DDX21: variants seen among roughly 807,000 people sequenced by gnomAD.
DDX21 encodes nucleolar RNA helicase 2.
DDX21 carries 18 observed loss-of-function variants against 90.0 expected under a neutral mutation model. That is an observed-to-expected ratio of 0.20 (90% CI 0.14 to 0.30). DDX21 has a LOEUF of 0.30. Ranked by LOEUF, DDX21 falls within the 10% of genes least tolerant of loss-of-function variation. DDX21 has a pLI of 1.00. For synonymous variants in DDX21, 294 were observed against 318.0 expected (o/e 0.92, Z 0.80); for missense variants, 673 against 944.5 (o/e 0.71, Z 3.77).
intron 6 of DDX21, among the ~76,000 whole-genome samples, chr10:68,968,677 A>G (rs1413105394): frequency 3.9e-5 from 6 of 152,254 alleles, no homozygotes. Flanking sequence ...TTCATAAAAT[A>G]TTGAGAATAG....
chr10:68,973,680 C>A lies in DDX21; in HGVS notation c.1668+16C>A. ...GCAAAAAGCGGTAAAACTATTCTTA[C>A]CTTTCATTAAGCAAATGTTGAGTTC... On this transcript the variant is annotated intron_variant, in intron 10 of 14. Coordinates refer to ENST00000354185, the MANE Select transcript of DDX21 (RefSeq NM_004728.4). 2 of 1,606,758 alleles carry A rather than the reference C, an allele frequency of 1.2e-6. No individual in the cohort carries two copies. The highest frequency in any genetic ancestry group is 1.7e-6 in the Non-Finnish European group (2 of 1,176,282).
Position 68,956,180 on chromosome 10 carries a change from C to G in DDX21, c.-46C>G. The G allele has an allele frequency of 1.9e-6, 3 of 1,601,190 alleles. No homozygotes were observed. The highest frequency in any genetic ancestry group is 2.6e-6 in the Non-Finnish European group (3 of 1,170,800). On this transcript the variant is annotated 5_prime_UTR_variant, in exon 1 of 15. Transcript: ENST00000354185. Reference sequence around the variant, plus strand: ...AGGGTGGGGAACTACCTCTTCCTCTCCACGCGGTTGAGAAGACCGGTCGGC... The same window carrying G: ...AGGGTGGGGAACTACCTCTTCCTCTGCACGCGGTTGAGAAGACCGGTCGGC...
At chr10:68,972,386 A>G (rs1158075635) in intron 9 of DDX21, among the ~76,000 whole-genome samples, 1 of 152,156 alleles carries the variant, frequency 6.6e-6, no homozygotes, top group Admixed American at 6.5e-5. Context: ...AGGGGAGAGA[A>G]AGGGCCTGTA....
In DDX21 at chr10:68,981,563, A is replaced by G. The variant is rs756594078; in HGVS notation, c.2064A>G (p.Ala688=). 1.6e-5 allele frequency: 26 copies of G among 1,612,928 alleles called. No individual in the cohort carries two copies. The highest frequency in any genetic ancestry group is 2.1e-5 in the Non-Finnish European group (25 of 1,179,626). ...GTGTTTGCTTTGATGTACCTACCGCATCAGTAACAGAAATACAGGTATTCT... is the reference window on the plus strand; with the variant it reads ...GTGTTTGCTTTGATGTACCTACCGCGTCAGTAACAGAAATACAGGTATTCT... The part of the protein sequence containing the change: ...KLGVCFDVPT[A]SVTEIQEKWH... Residue 688 remains alanine (A), a synonymous_variant, in exon 14 of 15, where the codon GCA becomes GCG. Coordinates refer to ENST00000354185, the MANE Select transcript of DDX21 (RefSeq NM_004728.4).
rs994055178 is a variant in DDX21, at chr10:68,983,700, A to T, written c.*888A>T. ...GATTAGCATTGCTCAAGAGTATGTA[A>T]AAAAAAAAAAAAAAAAAAAGAACCA... is the stretch of plus-strand genomic sequence containing the variant. On this transcript the variant is annotated 3_prime_UTR_variant, in exon 15 of 15. Coordinates refer to ENST00000354185, the MANE Select transcript of DDX21 (RefSeq NM_004728.4). 455 of 24,460 alleles carry T rather than the reference A, an allele frequency of 0.019. 2 individuals are homozygous for T. The highest frequency in any genetic ancestry group is 0.033 in the Non-Finnish European group (375 of 11,234). The allele number at this position is 24,460 out of a possible 1,614,324, so 1.5% of individuals were successfully genotyped here.
chr10:68,962,583 G>A lies in DDX21; in HGVS notation c.607+426G>A, dbSNP rs140563820. Among the ~76,000 whole-genome samples the A allele has an allele frequency of 1.2e-4, 19 of 152,152 alleles. 1 individual carries two copies. In the East Asian group the frequency reaches 2.5e-3, roughly 20 times the overall value. On this transcript the variant is annotated intron_variant, in intron 3 of 14. Coordinates refer to ENST00000354185, the MANE Select transcript of DDX21 (RefSeq NM_004728.4). ...GTGAACTGTGGTCACACCACTGCAC[G>A]CCAGCCTGGGTGACAGAATGAAACC... is the stretch of plus-strand genomic sequence containing the variant.
At chr10:68,966,993 C>T in intron 5 of DDX21, 25 bp from the exon 6 acceptor site, 1 of 1,597,150 alleles carries the variant, frequency 6.3e-7, no homozygotes, top group Non-Finnish European at 8.6e-7. Flanking sequence ...AAAAACCCAG[C>T]AAATCTTGTC....
rs1379317189 is a variant in DDX21 at position 68,985,009 on chromosome 10, A to G, written c.*2197A>G. The stretch of plus-strand genomic sequence containing the variant: ...ACAGTTGTGCATAAATGTTTTTACT[A>G]TAAAATGAGCTAATGTATAAAATAC... On this transcript the variant is annotated 3_prime_UTR_variant, in exon 15 of 15. Transcript: ENST00000354185. 1 of 152,208 alleles carries G rather than the reference A, an allele frequency of 6.6e-6. No individual in the cohort carries two copies. Among genetic ancestry groups the G allele is most frequent in the Non-Finnish European group, 1.5e-5 (1 of 68,026 alleles). The allele number at this position is 152,208 out of a possible 1,614,324, so 9.4% of individuals were successfully genotyped here.
intron 11 of DDX21, among the ~76,000 whole-genome samples, chr10:68,976,564 G>C (rs897171779): frequency 1.2e-4 from 18 of 152,354 alleles, no homozygotes; most frequent in Non-Finnish European, 1.5e-4. Flanking sequence ...TGGGATTATA[G>C]GCGTGAGCCA....
intron 11 of DDX21, among the ~76,000 whole-genome samples, chr10:68,976,092 T>C (rs1049681629): frequency 1.0e-4 from 15 of 150,270 alleles, no homozygotes; most frequent in African/African-American, 2.7e-4. Flanking sequence ...TTAGATGTGG[T>C]AGCAAGTGCC....
chr10:68,968,710 T>C (rs1366657382), intron 6 of DDX21, among the ~76,000 whole-genome samples: 2 of 152,260 alleles, frequency 1.3e-5, no homozygotes, highest in African/African-American at 4.8e-5. Flanking sequence ...AGATTTCGTT[T>C]GTAATTCAAA....
At position 68,977,793 on chromosome 10, in the gene DDX21, TTAG is replaced by T. The variant is rs1843124989; in HGVS notation, c.1902+108_1902+110del. On this transcript the variant is annotated intron_variant, in intron 12 of 14. Transcript: ENST00000354185. ...CAGTTGTTTTCATTTTCTCATGAAG[TTAG>T]TAAAGTATTAATTGTATTTTACAAT... 9 of 1,245,264 alleles carry T rather than the reference TTAG, an allele frequency of 7.2e-6. No individual in the cohort carries two copies. In the Admixed American group the frequency reaches 2.1e-4, roughly 29 times the overall value. The allele number at this position is 1,245,264 out of a possible 1,614,324, so 77.1% of individuals were successfully genotyped here. A position where few individuals can be genotyped will look rare whatever the true frequency, so the allele number is the denominator to read the frequency against.
At chr10:68,974,987 C>T (rs145500381) in intron 11 of DDX21, among the ~76,000 whole-genome samples, 1 of 151,296 alleles carries the variant, frequency 6.6e-6, no homozygotes, top group Non-Finnish European at 1.5e-5. Context: ...AACTGATAAC[C>T]TGTTTATCAA....
intron 1 of DDX21, among the ~76,000 whole-genome samples, chr10:68,957,961 A>G (rs1842821674): frequency 6.6e-6 from 1 of 152,128 alleles, no homozygotes; most frequent in South Asian, 2.1e-4. Context: ...TTCAAATAGG[A>G]GCCACAGTCA....
Position 68,968,961 on chromosome 10 carries a change from TCCCCC to T in DDX21, c.1091-14_1091-10del. 6 of 1,611,054 alleles carry T rather than the reference TCCCCC, an allele frequency of 3.7e-6. No homozygotes were observed. The Admixed American group carries it at 5.1e-5, about 14-fold the overall frequency. On this transcript the variant is annotated splice_polypyrimidine_tract_variant and intron_variant, in intron 6 of 14. Transcript: ENST00000354185. ...GGATTATTCATACTGACTTTTTTTT[TCCCCC>T]TCCTCAAAGATTCTGAAGACAATCC...
chr10:68,968,961 T>A lies in DDX21; in HGVS notation c.1091-15T>A. The A allele has an allele frequency of 1.2e-6, 2 of 1,611,078 alleles. No individual in the cohort carries two copies. The highest frequency in any genetic ancestry group is 1.7e-6 in the Non-Finnish European group (2 of 1,178,786). Reference sequence around the variant, plus strand: ...GGATTATTCATACTGACTTTTTTTTTCCCCCTCCTCAAAGATTCTGAAGAC... The same window carrying A: ...GGATTATTCATACTGACTTTTTTTTACCCCCTCCTCAAAGATTCTGAAGAC... On this transcript the variant is annotated splice_polypyrimidine_tract_variant and intron_variant, in intron 6 of 14. Transcript: ENST00000354185.
chr10:68,969,161 A>T, intron 7 of DDX21, 40 bp downstream of exon 7: 12 of 1,567,764 alleles, frequency 7.7e-6, no homozygotes, highest in Non-Finnish European at 1.0e-5. Flanking sequence ...AAAATTGTAT[A>T]TATTTTTTTC....
intron 14 of DDX21, among the ~76,000 whole-genome samples, chr10:68,981,935 G>A (rs1970494): frequency 0.058 from 8,781 of 152,126 alleles, 304 homozygotes; most frequent in Middle Eastern, 0.11. Flanking sequence ...GTGCAGTGGT[G>A]CAATCTCGGT....
chr10:68,966,980 A>C lies in DDX21; in HGVS notation c.905-38A>C, dbSNP rs1015807397. On this transcript the variant is annotated intron_variant, in intron 5 of 14. Coordinates refer to ENST00000354185, the MANE Select transcript of DDX21 (RefSeq NM_004728.4). ...GTACCCCACACAGATAAAAGTACTT[A>C]CTAAAAACCCAGCAAATCTTGTCAT... is the stretch of plus-strand genomic sequence containing the variant. 2.5e-6 allele frequency: 4 copies of C among 1,585,794 alleles called. No homozygotes were observed. The South Asian group carries it at 4.6e-5, about 18-fold the overall frequency.
Sources: gnomAD v4.1 joint callset for allele counts (sites outside exome capture counted in the v4.1 genomes callset) on GRCh38, gnomAD v4.1.1 for gene constraint, MANE v1.5 for transcripts, NCBI Gene and HGNC (gene_info 2026-07-23, HGNC 2026-07-21) for gene names.